The following ANKRD44 variants were observed in gnomAD, a reference collection of about 807,000 sequenced individuals.
The protein encoded by ANKRD44 is serine/threonine-protein phosphatase 6 regulatory ankyrin repeat subunit B.
In ANKRD44, 35 loss-of-function variants were observed where a neutral mutation model predicts 116.0. The observed-to-expected ratio is 0.30, with a 90% CI of 0.23 to 0.40. The LOEUF (loss-of-function observed/expected upper bound fraction) is 0.40, where lower values mean the gene tolerates loss of function less well. ANKRD44 is among the 10% of genes least tolerant of loss of function. ANKRD44 has a pLI of 1.00. For synonymous variants in ANKRD44, 435 were observed against 461.8 expected (o/e 0.94, Z 0.74); for missense variants, 1,014 against 1,242.6 (o/e 0.82, Z 2.77).
chr2:197,015,379 AAG>A (rs2076372631), intron 17 of ANKRD44: 1 of 585,298 alleles, frequency 1.7e-6, no homozygotes, highest in East Asian at 4.1e-5. Flanking sequence ...ATTGGAAAAA[AAG>A]AGAGGATTTG....
intron 1 of ANKRD44, among the ~76,000 whole-genome samples, chr2:197,298,014 C>T (rs1233102807): frequency 2.6e-5 from 4 of 152,026 alleles, no homozygotes; most frequent in African/African-American, 4.8e-5. Context: ...ATCTGGACTC[C>T]GTTAAGAAGG....
chr2:197,271,985 A>G (rs952372845), intron 1 of ANKRD44, among the ~76,000 whole-genome samples: 1 of 152,214 alleles, frequency 6.6e-6, no homozygotes, highest in Admixed American at 6.5e-5. Context: ...TTATATCGCC[A>G]AAGTGATAGT....
chr2:197,140,830 A>G (rs185285106), intron 3 of ANKRD44, among the ~76,000 whole-genome samples: 4 of 152,258 alleles, frequency 2.6e-5, no homozygotes, highest in Admixed American at 1.3e-4. Context: ...TGATAATTTC[A>G]TGGGTGTTTG....
chr2:197,011,475 ATTT>A (rs1216186319), intron 18 of ANKRD44, among the ~76,000 whole-genome samples: 2 of 141,206 alleles, frequency 1.4e-5, no homozygotes. Flanking sequence ...GCCCTCAGGT[ATTT>A]TTTTTTTTTT....
Position 197,196,964 on chromosome 2 carries a change from A to T in ANKRD44, c.28-9858T>A, listed in dbSNP as rs556423728. On this transcript the variant is annotated intron_variant, in intron 1 of 27. Coordinates refer to ENST00000282272, the MANE Select transcript of ANKRD44 (RefSeq NM_001195144.2). ...CACCTTCCTGTTCTGGCCATTGTCA[A>T]TTTTTTTTTTCCTAAGGCATCTTGT... 2.4e-3 allele frequency among the ~76,000 whole-genome samples: 357 copies of T among 150,980 alleles called. 1 individual carries two copies. Among genetic ancestry groups the T allele is most frequent in the African/African-American group, 8.1e-3 (331 of 41,112 alleles).
chr2:197,197,704 G>T (rs1480012950), intron 1 of ANKRD44, among the ~76,000 whole-genome samples: 1 of 151,634 alleles, frequency 6.6e-6, no homozygotes, highest in Non-Finnish European at 1.5e-5. Flanking sequence ...CAGCGACTCG[G>T]GAGGCTGAGG....
At chr2:196,999,312 A>G (rs542614838) in intron 23 of ANKRD44, among the ~76,000 whole-genome samples, 21 of 152,276 alleles carry the variant, frequency 1.4e-4, no homozygotes, top group African/African-American at 4.1e-4. Context: ...TGACTCTTTA[A>G]TCTTAAGTTC....
At chr2:197,302,331 CG>C (rs1358498773) in intron 1 of ANKRD44, 1 of 152,176 alleles carries the variant, frequency 6.6e-6, no homozygotes, top group Admixed American at 6.5e-5. Context: ...CAAGGTCAGA[CG>C]GAAGGAGACC....
intron 1 of ANKRD44, among the ~76,000 whole-genome samples, chr2:197,306,780 C>A (rs2084086380): frequency 6.6e-6 from 1 of 152,152 alleles, no homozygotes; most frequent in Non-Finnish European, 1.5e-5. Flanking sequence ...CCAGCCACTG[C>A]CTTTGGCAAG....
intron 1 of ANKRD44, among the ~76,000 whole-genome samples, chr2:197,285,543 C>T (rs925527197): frequency 6.6e-5 from 10 of 152,146 alleles, no homozygotes; most frequent in African/African-American, 2.4e-4. Context: ...CATAAAAATG[C>T]TAAGTAGATT....
intron 8 of ANKRD44, among the ~76,000 whole-genome samples, chr2:197,115,907 G>T (rs1198212048): frequency 6.6e-6 from 1 of 152,104 alleles, no homozygotes; most frequent in African/African-American, 2.4e-5. Flanking sequence ...ATAGATGAAG[G>T]GAGACTGAGA....
chr2:197,019,255 G>A (rs2076450151), intron 17 of ANKRD44, among the ~76,000 whole-genome samples: 1 of 152,172 alleles, frequency 6.6e-6, no homozygotes, highest in Non-Finnish European at 1.5e-5. Flanking sequence ...CACAATGCCT[G>A]GCTTGAGACA....
At chr2:197,153,845 A>T (rs73991219) in intron 2 of ANKRD44, among the ~76,000 whole-genome samples, 7,781 of 152,206 alleles carry the variant, frequency 0.051, 669 homozygotes, top group African/African-American at 0.18. Context: ...TTGTGTGTAT[A>T]AGAGAGAAAG....
At chr2:197,008,438 T>A (rs569999413) in intron 19 of ANKRD44, among the ~76,000 whole-genome samples, 1 of 152,320 alleles carries the variant, frequency 6.6e-6, no homozygotes, top group East Asian at 1.9e-4. Flanking sequence ...TTCACATGCC[T>A]GGGGCTAGTC....
intron 2 of ANKRD44, among the ~76,000 whole-genome samples, chr2:197,176,497 C>G (rs1313911977): frequency 2.0e-5 from 3 of 152,160 alleles, no homozygotes; most frequent in Non-Finnish European, 4.4e-5. Context: ...GCCCAGTGCT[C>G]TCTATACTCA....
chr2:197,198,456 T>G (rs2081012726), intron 1 of ANKRD44, among the ~76,000 whole-genome samples: 1 of 152,102 alleles, frequency 6.6e-6, no homozygotes, highest in African/African-American at 2.4e-5. Context: ...TACCGCTCAG[T>G]TGTCAGAGGA....
chr2:197,054,566 A>C (rs1186278334), intron 16 of ANKRD44, among the ~76,000 whole-genome samples: 1 of 152,212 alleles, frequency 6.6e-6, no homozygotes, highest in Admixed American at 6.5e-5. Context: ...CCACTCAGCT[A>C]GTGAGGCTGT....
chr2:197,136,468 G>A, intron 4 of ANKRD44, 124 bp downstream of exon 4: 1 of 823,750 alleles, frequency 1.2e-6, no homozygotes, highest in Non-Finnish European at 2.0e-6. Context: ...TGTTCATTTT[G>A]GGTAACCCTC....
chr2:197,141,427 C>CATT (rs1452918518), intron 3 of ANKRD44, among the ~76,000 whole-genome samples: 1 of 151,978 alleles, frequency 6.6e-6, no homozygotes. Context: ...ACACTTTTAT[C>CATT]ATTATTATTA....
Sources: allele counts gnomAD v4.1 joint callset (sites outside exome capture counted in the v4.1 genomes callset), GRCh38; gene constraint gnomAD v4.1.1; transcripts MANE v1.5; gene names NCBI Gene and HGNC (gene_info 2026-07-23, HGNC 2026-07-21).